PECR: variants seen among roughly 807,000 people sequenced by gnomAD.
PECR encodes the protein peroxisomal trans-2-enoyl-CoA reductase.
A neutral mutation model predicts 35.3 loss-of-function variants in PECR; 30 were observed. That is an observed-to-expected ratio of 0.85 (90% CI 0.64 to 1.15). The LOEUF is 1.15. PECR is among the 50% of genes most tolerant of loss of function. PECR has a pLI of 0.00. For missense variants in PECR, 392 were observed against 370.8 expected (o/e 1.06, Z -0.47); for synonymous variants, 148 against 138.9 (o/e 1.07, Z -0.46).
chr2:216,034,693 T>A (rs1329131108), downstream of PECR, among the ~76,000 whole-genome samples: 1 of 152,030 alleles, frequency 6.6e-6, no homozygotes, highest in Non-Finnish European at 1.5e-5. Context: ...TGAGAATATA[T>A]ACAGTGGCCA....
At chr2:216,051,352 G>T in intron 5 of PECR, 97 bp downstream of exon 5, 1 of 764,508 alleles carries the variant, frequency 1.3e-6, no homozygotes, top group Non-Finnish European at 2.4e-6. Context: ...AATCTTTTAT[G>T]CTATACTTGC....
chr2:216,056,611 C>T (rs1030969091), intron 4 of PECR, among the ~76,000 whole-genome samples: 3 of 151,144 alleles, frequency 2.0e-5, no homozygotes, highest in Non-Finnish European at 2.9e-5. Flanking sequence ...ACCCCAGCTA[C>T]TCAGGAGGCT....
intron 3 of PECR, among the ~76,000 whole-genome samples, chr2:216,064,872 C>T (rs1401973517): frequency 3.9e-5 from 6 of 152,280 alleles, no homozygotes; most frequent in African/African-American, 4.8e-5. Flanking sequence ...TAACCACCCA[C>T]GAAACATGAC....
chr2:216,077,466 C>T (rs1695732741), intron 1 of PECR, among the ~76,000 whole-genome samples: 1 of 150,372 alleles, frequency 6.7e-6, no homozygotes, highest in African/African-American at 2.5e-5. Context: ...AAGATCGCGC[C>T]ACCGCACTCC....
At chr2:216,066,167 A>G (rs1198899111) in intron 2 of PECR, among the ~76,000 whole-genome samples, 2 of 152,170 alleles carry the variant, frequency 1.3e-5, no homozygotes, top group Non-Finnish European at 1.5e-5. Flanking sequence ...ACAAAAGGCC[A>G]TCTTTAGCTG....
intron 6 of PECR, among the ~76,000 whole-genome samples, chr2:216,048,086 A>AT (rs1695030628): frequency 7.4e-6 from 1 of 135,294 alleles, no homozygotes; most frequent in Non-Finnish European, 1.6e-5. Context: ...ATTTTATTTT[A>AT]TTTTTTGAGA....
At chr2:216,039,525 T>A (rs914660277) in intron 7 of PECR, among the ~76,000 whole-genome samples, 165 bp from the exon 8 acceptor site, 1 of 152,238 alleles carries the variant, frequency 6.6e-6, no homozygotes, top group Non-Finnish European at 1.5e-5. Flanking sequence ...GAATCTCAGG[T>A]CTGCCACACG....
Position 216,051,361 on chromosome 2 carries a change from G to A in PECR, c.603+88C>T. ...AAAGTCAATCTTTTATGCTATACTTGCTTATTACCAAATACCTCTATCAAC... is the reference window on the plus strand; with the variant it reads ...AAAGTCAATCTTTTATGCTATACTTACTTATTACCAAATACCTCTATCAAC... On this transcript the variant is annotated intron_variant, in intron 5 of 7. Transcript: ENST00000265322. 2.5e-6 allele frequency: 2 copies of A among 803,318 alleles called. 1 individual carries two copies. The highest frequency in any genetic ancestry group is 2.7e-5 in the South Asian group (2 of 74,170). 49.8% of individuals were successfully genotyped at this position (803,318 alleles called of 1,614,324 possible).
chr2:216,033,641 A>G (rs1237028891), downstream of PECR: 1 of 152,370 alleles, frequency 6.6e-6, no homozygotes, highest in Non-Finnish European at 1.5e-5. Flanking sequence ...CTCAAGGAGA[A>G]CAAGTCTGAA....
At chr2:216,053,574 A>G (rs1420495991) in intron 4 of PECR, among the ~76,000 whole-genome samples, 1 of 152,040 alleles carries the variant, frequency 6.6e-6, no homozygotes, top group Non-Finnish European at 1.5e-5. Context: ...ATATTTGCAT[A>G]TACTACCTGG....
chr2:216,067,213 C>G (rs557510769), intron 1 of PECR, among the ~76,000 whole-genome samples: 5 of 152,296 alleles, frequency 3.3e-5, no homozygotes, highest in Admixed American at 6.5e-5. Context: ...AAAAGATATA[C>G]AGAGAGCGAG....
intron 4 of PECR, among the ~76,000 whole-genome samples, chr2:216,052,117 T>C (rs1440038531): frequency 1.3e-5 from 2 of 152,168 alleles, no homozygotes; most frequent in African/African-American, 2.4e-5. Flanking sequence ...CCCTGGGAGA[T>C]GGAGTTTGCA....
intron 5 of PECR, chr2:216,050,726 C>T (rs1171025453): frequency 6.6e-6 from 1 of 152,090 alleles, no homozygotes; most frequent in Non-Finnish European, 1.5e-5. Context: ...CACAGTGAAA[C>T]CCCGTCTCTA....
intron 1 of PECR, among the ~76,000 whole-genome samples, chr2:216,073,520 C>T (rs1695625625): frequency 6.6e-6 from 1 of 152,178 alleles, no homozygotes; most frequent in African/African-American, 2.4e-5. Context: ...TCACCCAGAG[C>T]AACTTCCAGT....
At chr2:216,065,168 A>C in intron 3 of PECR, 144 bp downstream of exon 3, 1 of 748,762 alleles carries the variant, frequency 1.3e-6, no homozygotes. Context: ...TACTATACTG[A>C]AATGTACCAA....
intron 3 of PECR, among the ~76,000 whole-genome samples, chr2:216,059,351 C>T (rs184636708): frequency 2.6e-5 from 4 of 152,280 alleles, no homozygotes; most frequent in East Asian, 1.9e-4. Context: ...TCACACAATA[C>T]GTGGTCTTTT....
chr2:216,068,666 G>T (rs1695521245), intron 1 of PECR, among the ~76,000 whole-genome samples: 1 of 152,028 alleles, frequency 6.6e-6, no homozygotes, highest in Admixed American at 6.6e-5. Context: ...TTGAGACAGG[G>T]TCTTACTCTG....
chr2:216,033,317 AT>A (rs1694739238), intron 7 of PECR, among the ~76,000 whole-genome samples: 2 of 152,170 alleles, frequency 1.3e-5, no homozygotes, highest in Admixed American at 1.3e-4. Flanking sequence ...CCATGCCATT[AT>A]CACGTTGAAT....
At chr2:216,079,369 T>C (rs1695779525) in intron 1 of PECR, among the ~76,000 whole-genome samples, 1 of 151,626 alleles carries the variant, frequency 6.6e-6, no homozygotes, top group Non-Finnish European at 1.5e-5. Context: ...GCATATGTAA[T>C]ACTTTTTTTT....
Sources: gnomAD v4.1 joint callset for allele counts (sites outside exome capture counted in the v4.1 genomes callset) on GRCh38, gnomAD v4.1.1 for gene constraint, MANE v1.5 for transcripts, NCBI Gene and HGNC (gene_info 2026-07-23, HGNC 2026-07-21) for gene names.